Variants in SMAP2 observed in about 807,000 individuals in gnomAD.
SMAP2 encodes stromal membrane-associated protein 2.
In SMAP2, 25 loss-of-function variants were observed where a neutral mutation model predicts 56.4. That is an observed-to-expected ratio of 0.44 (90% CI 0.32 to 0.62). The LOEUF is 0.62. Ranked by LOEUF, SMAP2 falls within the 20% of genes least tolerant of loss-of-function variation. The pLI, the probability that SMAP2 is intolerant of heterozygous loss-of-function variation, is 0.04. For synonymous variants in SMAP2, 157 were observed against 181.7 expected, an observed-to-expected ratio of 0.86 and a Z score of 1.09; for missense variants, 388 against 545.6, an observed-to-expected ratio of 0.71 and a Z score of 2.88.
intron 1 of SMAP2, among the ~76,000 whole-genome samples, chr1:40,356,283 A>G (rs1157752682): frequency 6.6e-6 from 1 of 152,234 alleles, no homozygotes; most frequent in Admixed American, 6.5e-5. Context: ...ACAGTGCTGC[A>G]ATAAACAGGA....
intron 1 of SMAP2, among the ~76,000 whole-genome samples, chr1:40,401,145 C>A (rs1298315192): frequency 1.3e-5 from 2 of 152,170 alleles, no homozygotes; most frequent in Admixed American, 6.5e-5. Flanking sequence ...CGCCTGTAGT[C>A]TCAGCTACTC....
chr1:40,385,041 C>T lies in SMAP2; in HGVS notation c.103+10818C>T, dbSNP rs189403252. Among the ~76,000 whole-genome samples, 311 of 152,260 alleles carry T rather than the reference C, an allele frequency of 2.0e-3. 1 individual carries two copies. Among genetic ancestry groups the T allele is most frequent in the African/African-American group, 7.0e-3 (291 of 41,540 alleles). On this transcript the variant is annotated intron_variant, in intron 1 of 9. Transcript: ENST00000372718. This position sits in a 1 kb window ranked among gnomAD's most constrained non-coding sequence, Gnocchi z 4.5. Reference sequence around the variant, plus strand: ...CCACTGATGGCTGAACTGCAGGTCTCTCCCCAGTGGAAAGCCCCAGAGATG... The same window carrying T: ...CCACTGATGGCTGAACTGCAGGTCTTTCCCCAGTGGAAAGCCCCAGAGATG...
At chr1:40,349,948 A>G (rs1644403492) in intron 1 of SMAP2, among the ~76,000 whole-genome samples, 1 of 152,198 alleles carries the variant, frequency 6.6e-6, no homozygotes, top group Non-Finnish European at 1.5e-5. Context: ...CAGGTGAGTC[A>G]GACAGAAGGC....
chr1:40,361,064 A>G (rs1476247622), intron 1 of SMAP2, among the ~76,000 whole-genome samples: 1 of 152,236 alleles, frequency 6.6e-6, no homozygotes, highest in East Asian at 1.9e-4. Context: ...TGCAGGCAGC[A>G]TAGCTTGCAG....
At chr1:40,384,716 T>A (rs1357333448) in intron 1 of SMAP2, among the ~76,000 whole-genome samples, 1 of 152,206 alleles carries the variant, frequency 6.6e-6, no homozygotes, top group Admixed American at 6.5e-5. Context: ...TAGGTTTCCT[T>A]GTTTCTTTCT....
intron 5 of SMAP2, 24 bp from the exon 6 acceptor site, chr1:40,414,135 T>C: frequency 6.2e-7 from 1 of 1,610,860 alleles, no homozygotes; most frequent in Non-Finnish European, 8.5e-7. Context: ...GCTTATTTCT[T>C]GCTATAACAT....
chr1:40,395,271 C>T (rs1322803333), intron 1 of SMAP2, among the ~76,000 whole-genome samples: 1 of 152,174 alleles, frequency 6.6e-6, no homozygotes, highest in Admixed American at 6.5e-5. Context: ...AATAATGATA[C>T]AGGATGACTG....
Position 40,375,377 on chromosome 1 carries a change from T to C in SMAP2, c.103+1154T>C, listed in dbSNP as rs577746898. 3.3e-5 allele frequency among the ~76,000 whole-genome samples: 5 copies of C among 152,368 alleles called. No homozygotes were observed. In the East Asian group the frequency reaches 9.6e-4, roughly 29 times the overall value. On this transcript the variant is annotated intron_variant, in intron 1 of 9. Coordinates refer to ENST00000372718, the MANE Select transcript of SMAP2 (RefSeq NM_022733.3). Reference sequence around the variant, plus strand: ...TAAAACAAAGATTCAGTTATATTCGTATTTATCTATTTTGAGAAAGGAAGG... The same window carrying C: ...TAAAACAAAGATTCAGTTATATTCGCATTTATCTATTTTGAGAAAGGAAGG...
chr1:40,409,665 A>T, intron 3 of SMAP2, 92 bp from the exon 4 acceptor site: 1 of 867,304 alleles, frequency 1.2e-6, no homozygotes, highest in Non-Finnish European at 1.9e-6. Context: ...AGAGGGAAGG[A>T]GGAGAACAAT....
At chr1:40,358,627 C>T (rs1407103263) in intron 1 of SMAP2, among the ~76,000 whole-genome samples, 1 of 152,072 alleles carries the variant, frequency 6.6e-6, no homozygotes, top group Non-Finnish European at 1.5e-5. Flanking sequence ...TTTTTAAAGA[C>T]TTATTTTATG....
chr1:40,356,810 A>T (rs1644438525), intron 1 of SMAP2, among the ~76,000 whole-genome samples: 1 of 152,028 alleles, frequency 6.6e-6, no homozygotes, highest in Admixed American at 6.6e-5. Context: ...TTTTCTTCAC[A>T]TCCTCTCTAG....
At chr1:40,384,419 C>T (rs1644633633) in intron 1 of SMAP2, among the ~76,000 whole-genome samples, 2 of 152,172 alleles carry the variant, frequency 1.3e-5, no homozygotes, top group South Asian at 4.1e-4. Flanking sequence ...GCTGCTGCTC[C>T]ATTTAAGGGC....
At chr1:40,388,673 A>G (rs1273077864) in intron 1 of SMAP2, among the ~76,000 whole-genome samples, 1 of 152,176 alleles carries the variant, frequency 6.6e-6, no homozygotes, top group East Asian at 1.9e-4. Flanking sequence ...CGCTCTACCA[A>G]TCAGCAGGAT....
upstream of SMAP2, among the ~76,000 whole-genome samples, chr1:40,372,070 T>C (rs143137422): frequency 9.5e-4 from 145 of 152,312 alleles, 1 homozygote; most frequent in African/African-American, 3.4e-3. Context: ...CCATAGGCAA[T>C]GGAGAGCCAC....
chr1:40,379,524 C>A lies in SMAP2; in HGVS notation c.103+5301C>A, dbSNP rs534383979. Among the ~76,000 whole-genome samples the A allele has an allele frequency of 3.3e-4, 44 of 134,394 alleles. No individual in the cohort carries two copies. The South Asian group carries it at 0.011, about 33-fold the overall frequency. 88.2% of individuals were successfully genotyped at this position (134,394 alleles called of 152,430 possible). The stretch of plus-strand genomic sequence containing the variant: ...TATCTTGACTAAGTAGAAAGCTATT[C>A]TTAAATGATTTGGAAGACACTGTTG... On this transcript the variant is annotated intron_variant, in intron 1 of 9. Transcript: ENST00000372718.
chr1:40,388,323 G>T (rs1396004945), intron 1 of SMAP2, among the ~76,000 whole-genome samples: 1 of 152,272 alleles, frequency 6.6e-6, no homozygotes, highest in Admixed American at 6.5e-5. Context: ...CCTGAGTCTG[G>T]TGGGGCCTTG....
chr1:40,374,779 A>G lies in SMAP2; in HGVS notation c.103+556A>G, dbSNP rs1442446489. ...TTTGCAGCCTTGCTAAGATCTGACA[A>G]GAGTGCTTAGGTGACTTTATTCTTC... On this transcript the variant is annotated intron_variant, in intron 1 of 9. Transcript: ENST00000372718. The surrounding 1 kb of genome is among the most constrained non-coding windows in gnomAD (Gnocchi z 5.9). 2 of 1,550,382 alleles carry G rather than the reference A, an allele frequency of 1.3e-6. No homozygotes were observed. The highest frequency in any genetic ancestry group is 8.7e-7 in the Non-Finnish European group (1 of 1,146,930).
rs1481060525 is a variant in SMAP2, at chr1:40,386,125, G to A, written c.103+11902G>A. 5.9e-5 allele frequency among the ~76,000 whole-genome samples: 9 copies of A among 152,152 alleles called. No homozygotes were observed. Among genetic ancestry groups the A allele is most frequent in the Non-Finnish European group, 1.3e-4 (9 of 68,028 alleles). On this transcript the variant is annotated intron_variant, in intron 1 of 9. Coordinates refer to ENST00000372718, the MANE Select transcript of SMAP2 (RefSeq NM_022733.3). The surrounding 1 kb of genome is among the most constrained non-coding windows in gnomAD (Gnocchi z 4.1). ...GACACAAACCCTGAGAAGAGAAACA[G>A]GAAGGAAACTCCCTGTTCTTACCAT...
chr1:40,413,848 C>T, intron 5 of SMAP2: 1 of 275,420 alleles, frequency 3.6e-6, no homozygotes, highest in Non-Finnish European at 7.0e-6. Flanking sequence ...CTTGGCTTTT[C>T]CTGGGACCAA....
Sources: allele counts gnomAD v4.1 joint callset (sites outside exome capture counted in the v4.1 genomes callset), GRCh38; gene constraint gnomAD v4.1.1; non-coding constraint Gnocchi (gnomAD v3.1); transcripts MANE v1.5; gene names NCBI Gene and HGNC (gene_info 2026-07-23, HGNC 2026-07-21).